The following PRKN variants were observed in gnomAD, a reference collection of about 807,000 sequenced individuals.
PRKN encodes parkin RBR E3 ubiquitin protein ligase, also known as E3 ubiquitin-protein ligase parkin.
A neutral mutation model predicts 59.5 loss-of-function variants in PRKN; 56 were observed. The ratio of observed to expected loss-of-function variants is 0.94; its 90% CI spans 0.76 to 1.18. The LOEUF (loss-of-function observed/expected upper bound fraction) is 1.18. Among genes scored for constraint, PRKN ranks in the 50% most tolerant of loss-of-function variants. PRKN has a pLI of 0.00. For missense variants in PRKN, 657 were observed against 596.4 expected (o/e 1.10, Z -1.06); for synonymous variants, 250 against 222.1 (o/e 1.13, Z -1.12).
chr6:162,608,982 C>G (rs538243857), intron 1 of PRKN, among the ~76,000 whole-genome samples: 94 of 152,298 alleles, frequency 6.2e-4, no homozygotes, highest in African/African-American at 2.2e-3. Flanking sequence ...GGCCTCGCCT[C>G]TCTGCCAGTG....
At position 161,717,142 on chromosome 6, in the gene PRKN, GCTAA is replaced by G. The variant is rs546961848; in HGVS notation, c.871+68626_871+68629del. Among the ~76,000 whole-genome samples the G allele has an allele frequency of 1.2e-3, 189 of 152,270 alleles. 1 individual carries two copies. The highest frequency in any genetic ancestry group is 4.4e-3 in the African/African-American group (182 of 41,554). On this transcript the variant is annotated intron_variant, in intron 7 of 11. Coordinates refer to ENST00000366898, the MANE Select transcript of PRKN (RefSeq NM_004562.3). ...TAGTCCATTTGTGGTCCTGTAACAG[GCTAA>G]CTGAGATGGATAATTTATAAAGAAC...
chr6:162,339,009 T>C (rs1268101029), intron 2 of PRKN, among the ~76,000 whole-genome samples: 2 of 143,448 alleles, frequency 1.4e-5, no homozygotes, highest in East Asian at 4.4e-4. Context: ...GGAGACCCTC[T>C]GCCCGGCAAC....
chr6:162,414,673 T>C (rs902138767), intron 2 of PRKN, among the ~76,000 whole-genome samples: 1 of 130,304 alleles, frequency 7.7e-6, no homozygotes, highest in Admixed American at 8.8e-5. Context: ...ATCGCACCAC[T>C]GCACTCCAGC....
intron 6 of PRKN, among the ~76,000 whole-genome samples, chr6:161,901,716 G>A (rs908672113): frequency 6.6e-6 from 1 of 152,286 alleles, no homozygotes; most frequent in East Asian, 1.9e-4. Flanking sequence ...AACAAGAACA[G>A]GTTTTGATTG....
At chr6:161,717,044 C>G (rs1187170834) in intron 7 of PRKN, among the ~76,000 whole-genome samples, 1 of 152,204 alleles carries the variant, frequency 6.6e-6, no homozygotes, top group Non-Finnish European at 1.5e-5. Context: ...GGCCAACACC[C>G]AGCTGTCAGA....
chr6:161,491,005 G>A (rs1777534481), intron 9 of PRKN, among the ~76,000 whole-genome samples: 1 of 152,124 alleles, frequency 6.6e-6, no homozygotes, highest in African/African-American at 2.4e-5. Flanking sequence ...GCAGGTGCCA[G>A]CATCATGCTT....
Position 162,274,019 on chromosome 6 carries a change from T to C in PRKN, c.172-11254A>G, listed in dbSNP as rs894897516. On this transcript the variant is annotated intron_variant, in intron 2 of 11. Coordinates refer to ENST00000366898, the MANE Select transcript of PRKN (RefSeq NM_004562.3). ...GAATACCATTAGAGGAACTGAAAAA[T>C]TACAAATAAGCATTTAATGGCATCA... Among the ~76,000 whole-genome samples the C allele has an allele frequency of 9.2e-5, 14 of 152,030 alleles. 1 individual carries two copies. Among genetic ancestry groups the C allele is most frequent in the African/African-American group, 3.4e-4 (14 of 41,402 alleles).
chr6:162,434,839 T>C (rs1583567323), intron 2 of PRKN, among the ~76,000 whole-genome samples: 1 of 152,344 alleles, frequency 6.6e-6, no homozygotes, highest in East Asian at 1.9e-4. Context: ...GTTTCTCATA[T>C]ACAATCTTAT....
intron 1 of PRKN, among the ~76,000 whole-genome samples, chr6:162,555,230 TAATAG>T (rs2128204760): frequency 6.6e-6 from 1 of 152,238 alleles, no homozygotes; most frequent in Admixed American, 6.5e-5. Flanking sequence ...TAGAGTAATA[TAATAG>T]ATGTTAACAA....
rs975301288 is a variant in PRKN, at chr6:161,545,521, T to G, written c.1083+3333A>C. 1.0e-6 allele frequency: 1 copy of G among 984,444 alleles called. No homozygotes were observed. The highest frequency in any genetic ancestry group is 1.6e-5 in the African/African-American group (1 of 63,010). The allele number at this position is 984,444 out of a possible 1,614,324, so 61.0% of individuals were successfully genotyped here. On this transcript the variant is annotated intron_variant, in intron 9 of 11. Transcript: ENST00000366898. This position sits in a 1 kb window ranked among gnomAD's most constrained non-coding sequence, Gnocchi z 4.1. ...ATGTTCTACTTCTGAAATGACATAATCTAACCACAATTTCTTCCAGACAAT... is the reference window on the plus strand; with the variant it reads ...ATGTTCTACTTCTGAAATGACATAAGCTAACCACAATTTCTTCCAGACAAT...
intron 1 of PRKN, among the ~76,000 whole-genome samples, chr6:162,725,473 A>C (rs934534575): frequency 6.6e-6 from 1 of 152,172 alleles, no homozygotes; most frequent in Admixed American, 6.5e-5. Flanking sequence ...AAATGTGGCT[A>C]ATGAGGCTGG....
chr6:162,139,890 CAAA>C (rs35011084), intron 4 of PRKN, among the ~76,000 whole-genome samples: 1 of 137,824 alleles, frequency 7.3e-6, no homozygotes, highest in Non-Finnish European at 1.6e-5. Flanking sequence ...GACTCCATCT[CAAA>C]AAAAAAAAAA....
chr6:161,665,440 T>C (rs930013518), intron 7 of PRKN, among the ~76,000 whole-genome samples: 1 of 152,228 alleles, frequency 6.6e-6, no homozygotes, highest in Non-Finnish European at 1.5e-5. Flanking sequence ...TTTATACTAT[T>C]TCCATGTGGA....
intron 1 of PRKN, among the ~76,000 whole-genome samples, chr6:162,535,419 C>T (rs547765448): frequency 1.3e-5 from 2 of 151,992 alleles, no homozygotes; most frequent in East Asian, 1.9e-4. Flanking sequence ...TACATATATA[C>T]CTGAAAATAC....
intron 6 of PRKN, among the ~76,000 whole-genome samples, chr6:161,855,109 A>T (rs1156841166): frequency 5.9e-5 from 9 of 151,508 alleles, no homozygotes; most frequent in Non-Finnish European, 1.2e-4. Flanking sequence ...GAAAAAAAAA[A>T]AGAAAAAGAA....
chr6:161,449,484 G>T (rs1010683011), intron 9 of PRKN, among the ~76,000 whole-genome samples: 13 of 152,162 alleles, frequency 8.5e-5, no homozygotes, highest in African/African-American at 2.7e-4. Flanking sequence ...CGTACTCAGG[G>T]CCGTAATATG....
chr6:162,410,382 T>C (rs1788293559), intron 2 of PRKN, among the ~76,000 whole-genome samples: 1 of 152,054 alleles, frequency 6.6e-6, no homozygotes. Context: ...ATCCAAAAAA[T>C]GTGCCACTGA....
chr6:162,099,529 G>C (rs1376638987), intron 4 of PRKN, among the ~76,000 whole-genome samples: 1 of 151,998 alleles, frequency 6.6e-6, no homozygotes, highest in East Asian at 1.9e-4. Flanking sequence ...TGTAATTCCT[G>C]GCATAAAAGA....
intron 2 of PRKN, among the ~76,000 whole-genome samples, chr6:162,366,072 T>C (rs1455350459): frequency 6.6e-6 from 1 of 152,234 alleles, no homozygotes; most frequent in Non-Finnish European, 1.5e-5. Context: ...GCAAAAAAGC[T>C]TTAATGGCAA....
Sources: gnomAD v4.1 joint callset for allele counts (sites outside exome capture counted in the v4.1 genomes callset) on GRCh38, gnomAD v4.1.1 for gene constraint, Gnocchi (gnomAD v3.1) non-coding constraint, MANE v1.5 for transcripts, NCBI Gene and HGNC (gene_info 2026-07-23, HGNC 2026-07-21) for gene names.